Variants in MTX3 observed in about 807,000 individuals in gnomAD.
MTX3 encodes metaxin-3.
A neutral mutation model predicts 42.5 loss-of-function variants in MTX3; 27 were observed. That is an observed-to-expected ratio of 0.64 (90% confidence interval 0.47 to 0.88). The LOEUF (loss-of-function observed/expected upper bound fraction) is 0.88, where lower values mean the gene tolerates loss of function less well. MTX3 is among the 40% of genes least tolerant of loss of function. MTX3 has a pLI of 0.00. For synonymous variants in MTX3, 144 were observed against 132.9 expected (o/e 1.08, Z -0.57); for missense variants, 378 against 367.0 (o/e 1.03, Z -0.25).
At chr5:79,985,687 A>C in intron 7 of MTX3, 28 bp from the exon 8 acceptor site, 1 of 1,542,156 alleles carries the variant, frequency 6.5e-7, no homozygotes, top group Non-Finnish European at 8.9e-7. Flanking sequence ...AAATCAGAGA[A>C]AGACAGGAAA....
At chr5:79,985,185 A>G (rs1580885121) in intron 8 of MTX3, among the ~76,000 whole-genome samples, 1 of 152,054 alleles carries the variant, frequency 6.6e-6, no homozygotes, top group African/African-American at 2.4e-5. Context: ...GTTTCGCCGT[A>G]TAAGCCAGGA....
intron 6 of MTX3, 41 bp downstream of exon 6, chr5:79,988,198 T>C (rs1580888246): frequency 1.1e-5 from 12 of 1,121,498 alleles, no homozygotes; most frequent in African/African-American, 1.6e-5. Context: ...ACTGAATATA[T>C]GTGCACAAAA....
In MTX3 at chr5:79,990,507, C is replaced by G. The variant is rs1831616451; in HGVS notation, c.151+87G>C. 9.1e-6 allele frequency: 8 copies of G among 883,716 alleles called. No homozygotes were observed. The East Asian group carries it at 2.1e-4, about 23-fold the overall frequency. 54.7% of individuals were successfully genotyped at this position (883,716 alleles called of 1,614,324 possible). ...AGGTCACGGTAAGAAACTAAATCCTCAATATTATAGCTATATACCTCACAG... is the reference window on the plus strand; with the variant it reads ...AGGTCACGGTAAGAAACTAAATCCTGAATATTATAGCTATATACCTCACAG... On this transcript the variant is annotated intron_variant, in intron 2 of 8. Coordinates refer to ENST00000512528, the MANE Select transcript of MTX3 (RefSeq NM_001363818.2).
Position 79,982,297 on chromosome 5 carries a change from C to G in MTX3, c.*1387G>C. ...TAAAGACTCTTGTATAAATAACTAC[C>G]TAAATACAGAACAAATTGGGAGGAT... On this transcript the variant is annotated 3_prime_UTR_variant, in exon 9 of 9. Transcript: ENST00000512528. The G allele has an allele frequency of 2.4e-6, 1 of 420,280 alleles. No homozygotes were observed. Among genetic ancestry groups the G allele is most frequent in the South Asian group, 1.7e-5 (1 of 57,400 alleles). 26.0% of individuals were successfully genotyped at this position (420,280 alleles called of 1,614,324 possible).
chr5:79,978,847 AT>A lies in MTX3; in HGVS notation c.*4836del, dbSNP rs944152299. ...GAACCAAACAGGTGAGTTTTAAAAA[AT>A]ATTATAGCATAATTTCAAATGATTA... On this transcript the variant is annotated 3_prime_UTR_variant, in exon 9 of 9. Transcript: ENST00000512528. 4 of 152,650 alleles carry A rather than the reference AT, an allele frequency of 2.6e-5. No individual in the cohort carries two copies. The highest frequency in any genetic ancestry group is 4.8e-5 in the African/African-American group (2 of 41,454). 9.5% of individuals were successfully genotyped at this position (152,650 alleles called of 1,614,324 possible).
intron 6 of MTX3, among the ~76,000 whole-genome samples, chr5:79,987,666 A>T (rs1831529278): frequency 6.6e-6 from 1 of 152,178 alleles, no homozygotes; most frequent in Non-Finnish European, 1.5e-5. Flanking sequence ...GTCTTTATAG[A>T]TTCATTTTTA....
intron 2 of MTX3, 39 bp downstream of exon 2, chr5:79,990,555 A>C: frequency 7.7e-7 from 1 of 1,306,706 alleles, no homozygotes; most frequent in Non-Finnish European, 1.1e-6. Flanking sequence ...GAAGAAAAAA[A>C]AGAGTGCAGA....
At chr5:79,987,901 C>T (rs1045827871) in intron 6 of MTX3, among the ~76,000 whole-genome samples, 2 of 152,166 alleles carry the variant, frequency 1.3e-5, no homozygotes, top group African/African-American at 4.8e-5. Context: ...CTGCAACCTC[C>T]ACCTCCCAGG....
Position 79,985,561 on chromosome 5 carries a change from T to G in MTX3, c.828+10A>C, listed in dbSNP as rs754060807. The G allele has an allele frequency of 3.8e-6, 6 of 1,566,040 alleles. No homozygotes were observed. The highest frequency in any genetic ancestry group is 2.2e-5 in the South Asian group (2 of 89,476). On this transcript the variant is annotated intron_variant, in intron 8 of 8. Coordinates refer to ENST00000512528, the MANE Select transcript of MTX3 (RefSeq NM_001363818.2). ...CTGAACTATGATAAAATGATTGAAG[T>G]AGACTTGACCTTTTCAATCAAGTTG...
Position 79,983,532 on chromosome 5 carries a change from T to C in MTX3, c.*152A>G, listed in dbSNP as rs770172650. On this transcript the variant is annotated 3_prime_UTR_variant, in exon 9 of 9. Transcript: ENST00000512528. ...CCAAGCTAGAATACAAGCTTCCTAATAATAATAGTAAAAATAGATGGCATA... is the reference window on the plus strand; with the variant it reads ...CCAAGCTAGAATACAAGCTTCCTAACAATAATAGTAAAAATAGATGGCATA... 1 of 633,772 alleles carries C rather than the reference T, an allele frequency of 1.6e-6. No homozygotes were observed. The highest frequency in any genetic ancestry group is 2.8e-6 in the Non-Finnish European group (1 of 353,006). The allele number at this position is 633,772 out of a possible 1,614,324, so 39.3% of individuals were successfully genotyped here. A position where few individuals can be genotyped will look rare whatever the true frequency, so the allele number is the denominator to read the frequency against.
rs769755429 is a variant in MTX3 at position 79,988,231 on chromosome 5, A to G, written c.581+8T>C. On this transcript the variant is annotated splice_region_variant and intron_variant, in intron 6 of 8. Coordinates refer to ENST00000512528, the MANE Select transcript of MTX3 (RefSeq NM_001363818.2). ...AAATACCAAAATGATTTTTAAGGGA[A>G]TACTCACGTATCTCCAAAGAAAAAC... The G allele has an allele frequency of 8.4e-5, 124 of 1,482,504 alleles. No homozygotes were observed. In the South Asian group the frequency reaches 1.5e-3, roughly 18 times the overall value. The allele number at this position is 1,482,504 out of a possible 1,614,324, so 91.8% of individuals were successfully genotyped here.
In MTX3 at chr5:79,991,150, G is replaced by C. The variant is rs1051997706; in HGVS notation, c.81+8C>G. On this transcript the variant is annotated splice_region_variant and intron_variant, in intron 1 of 8. Coordinates refer to ENST00000512528, the MANE Select transcript of MTX3 (RefSeq NM_001363818.2). Reference sequence around the variant, plus strand: ...CCTCCTGCGCCCTGGCCCGCGAGGCGGCCTCACCATCACCACCAGGGACTC... The same window carrying C: ...CCTCCTGCGCCCTGGCCCGCGAGGCCGCCTCACCATCACCACCAGGGACTC... 1.3e-6 allele frequency: 2 copies of C among 1,543,982 alleles called. No homozygotes were observed. Among genetic ancestry groups the C allele is most frequent in the East Asian group, 4.9e-5 (2 of 40,728 alleles).
rs189133716 is a variant in MTX3 at position 79,983,412 on chromosome 5, T to G, written c.*272A>C. On this transcript the variant is annotated 3_prime_UTR_variant, in exon 9 of 9. Transcript: ENST00000512528. ...ACCAAAGGCAAAAATCTGCCATGAT[T>G]AAGGCAGTTCTTTGTATACAGTACG... 1,131 of 414,394 alleles carry G rather than the reference T, an allele frequency of 2.7e-3. 17 individuals are homozygous for G. Among genetic ancestry groups the G allele is most frequent in the Admixed American group, 0.013 (300 of 23,950 alleles). The allele number at this position is 414,394 out of a possible 1,614,324, so 25.7% of individuals were successfully genotyped here.
rs558746812 is a variant in MTX3, at chr5:79,991,172, A to T, written c.67T>A (p.Ser23Thr). The T allele has an allele frequency of 2.0e-6, 3 of 1,533,258 alleles. No individual in the cohort carries two copies. Among genetic ancestry groups the T allele is most frequent in the South Asian group, 2.4e-5 (2 of 81,906 alleles). 95.0% of individuals were successfully genotyped at this position (1,533,258 alleles called of 1,614,324 possible). The change falls in exon 1 of 9, where the codon TCC becomes ACC. Residue 23 changes from serine to threonine, a missense_variant. Ser to Thr is a moderately conservative substitution (Grantham distance 58, BLOSUM62 1). Transcript: ENST00000512528. ...GWGLPSVHSE[S>T]LVVMAYAKFS... ...GGCGGCCTCACCATCACCACCAGGG[A>T]CTCGCTGTGAACCGATGGGAGTCCC... is the stretch of plus-strand genomic sequence containing the variant.
intron 8 of MTX3, among the ~76,000 whole-genome samples, chr5:79,984,266 G>A (rs1355633509): frequency 6.6e-6 from 1 of 152,128 alleles, no homozygotes; most frequent in Non-Finnish European, 1.5e-5. Flanking sequence ...TTTGCCCCAC[G>A]TCACAAGCTA....
rs932363329 is a variant in MTX3, at chr5:79,981,171, C to G, written c.*2513G>C. On this transcript the variant is annotated 3_prime_UTR_variant, in exon 9 of 9. Transcript: ENST00000512528. ...CTGGGCAACAAGAGTGAAACTCTGT[C>G]TCAAAAAAAAAAAAAAGTTCTTTTC... is the stretch of plus-strand genomic sequence containing the variant. 4 of 150,268 alleles carry G rather than the reference C, an allele frequency of 2.7e-5. No individual in the cohort carries two copies. The highest frequency in any genetic ancestry group is 9.8e-5 in the African/African-American group (4 of 40,832). The allele number at this position is 150,268 out of a possible 1,614,324, so 9.3% of individuals were successfully genotyped here.
chr5:79,982,482 T>C lies in MTX3; in HGVS notation c.*1202A>G, dbSNP rs1050352077. On this transcript the variant is annotated 3_prime_UTR_variant, in exon 9 of 9. Transcript: ENST00000512528. Reference sequence around the variant, plus strand: ...ACTAATCAAAAACATGGTTCTACATTTTAAAAACCTCAGAAGTAGTTTTAG... The same window carrying C: ...ACTAATCAAAAACATGGTTCTACATCTTAAAAACCTCAGAAGTAGTTTTAG... The C allele has an allele frequency of 6.6e-6, 3 of 451,366 alleles. No homozygotes were observed. Among genetic ancestry groups the C allele is most frequent in the African/African-American group, 6.0e-5 (3 of 49,856 alleles). 28.0% of individuals were successfully genotyped at this position (451,366 alleles called of 1,614,324 possible).
In MTX3 at chr5:79,987,158, G is replaced by T. The variant is rs569898534; in HGVS notation, c.582-51C>A. On this transcript the variant is annotated intron_variant, in intron 6 of 8. Coordinates refer to ENST00000512528, the MANE Select transcript of MTX3 (RefSeq NM_001363818.2). ...AGCACATAAGACAATATTAACTGAA[G>T]GCCGGGTGTGGTGGCTCATGCCTGT... 24 of 1,556,652 alleles carry T rather than the reference G, an allele frequency of 1.5e-5. 1 individual carries two copies. In the South Asian group the frequency reaches 2.5e-4, roughly 16 times the overall value.
intron 7 of MTX3, among the ~76,000 whole-genome samples, chr5:79,986,274 G>C (rs541509783): frequency 7.2e-5 from 11 of 152,234 alleles, no homozygotes; most frequent in Non-Finnish European, 1.3e-4. Context: ...ACCCCTTCCT[G>C]TATACAGAAT....
Sources: gnomAD v4.1 joint callset for allele counts (sites outside exome capture counted in the v4.1 genomes callset) on GRCh38, gnomAD v4.1.1 for gene constraint, MANE v1.5 for transcripts, NCBI Gene and HGNC (gene_info 2026-07-23, HGNC 2026-07-21) for gene names.